Variants in RTN4 observed in about 807,000 individuals in gnomAD.
RTN4 encodes reticulon 4.
Under a neutral mutation model 90.4 loss-of-function variants are expected in RTN4, and 32 were observed. That is an observed-to-expected ratio of 0.35 (90% CI 0.27 to 0.48). RTN4 has a LOEUF of 0.48. RTN4 is among the 20% of genes least tolerant of loss of function. RTN4 has a pLI of 0.99. For missense variants in RTN4, 1,706 were observed against 1,430.2 expected (o/e 1.19, Z -3.11); for synonymous variants, 629 against 552.5 (o/e 1.14, Z -1.94).
intron 1 of RTN4, among the ~76,000 whole-genome samples, chr2:55,105,971 C>A (rs920133107): frequency 6.6e-6 from 1 of 152,034 alleles, no homozygotes; most frequent in Non-Finnish European, 1.5e-5. Flanking sequence ...CAGGAGGAGA[C>A]CCCCATCTCT....
At chr2:55,122,309 G>T in the RTN4 span, among the ~76,000 whole-genome samples, 1 of 152,078 alleles carries the variant, frequency 6.6e-6, no homozygotes, top group African/African-American at 2.4e-5. Context: ...ACATGTTCCT[G>T]ATTTTTACAG....
the RTN4 span, among the ~76,000 whole-genome samples, chr2:55,128,863 T>C: frequency 0.023 from 3,452 of 149,664 alleles, 68 homozygotes; most frequent in South Asian, 0.078. Context: ...TCCCAGCACT[T>C]TGGAAGGCCG....
intron 2 of RTN4, among the ~76,000 whole-genome samples, chr2:55,073,162 C>T (rs1216648255): frequency 6.6e-6 from 1 of 152,172 alleles, no homozygotes; most frequent in African/African-American, 2.4e-5. Context: ...TCTAACTAGC[C>T]ATGTGTCTCA....
intron 1 of RTN4, among the ~76,000 whole-genome samples, chr2:55,097,890 A>G (rs1667773573): frequency 6.6e-6 from 1 of 152,040 alleles, no homozygotes; most frequent in South Asian, 2.1e-4. Context: ...TTCCCCCAGG[A>G]AGCAGGTGGA....
chr2:55,137,415 A>G, the RTN4 span, among the ~76,000 whole-genome samples: 1 of 152,186 alleles, frequency 6.6e-6, no homozygotes, highest in Non-Finnish European at 1.5e-5. Flanking sequence ...CTTTAGGAGA[A>G]CATAGGAGTA....
the RTN4 span, among the ~76,000 whole-genome samples, chr2:55,123,726 TAACA>T: frequency 6.6e-6 from 1 of 152,002 alleles, no homozygotes. Context: ...GTTACTCGTG[TAACA>T]CTATTATGCC....
intron 3 of RTN4, among the ~76,000 whole-genome samples, chr2:54,996,983 T>C (rs1679478765): frequency 6.6e-6 from 1 of 152,100 alleles, no homozygotes; most frequent in Non-Finnish European, 1.5e-5. Context: ...CAATTGTTTC[T>C]TACATATAAC....
chr2:55,016,606 CAT>C (rs778464894), intron 3 of RTN4, among the ~76,000 whole-genome samples: 4 of 151,992 alleles, frequency 2.6e-5, no homozygotes, highest in Non-Finnish European at 5.9e-5. Context: ...AAACAAAACA[CAT>C]GTGCATTGAA....
At chr2:55,024,086 T>C (rs1419135134) in intron 3 of RTN4, among the ~76,000 whole-genome samples, 1 of 152,138 alleles carries the variant, frequency 6.6e-6, no homozygotes, top group Non-Finnish European at 1.5e-5. Flanking sequence ...AAAACCAAAT[T>C]TGTATCTTCC....
At chr2:54,979,048 A>G (rs576542613) in intron 5 of RTN4, among the ~76,000 whole-genome samples, 9 of 151,656 alleles carry the variant, frequency 5.9e-5, no homozygotes, top group Admixed American at 5.9e-4. Context: ...TTAAGATTTT[A>G]ATAATTTTTT....
At chr2:55,121,823 A>G in the RTN4 span, among the ~76,000 whole-genome samples, 1 of 152,264 alleles carries the variant, frequency 6.6e-6, no homozygotes, top group African/African-American at 2.4e-5. Flanking sequence ...TTATTCATTC[A>G]GGGTACCGAG....
chr2:55,070,171 T>C (rs192016366), intron 2 of RTN4, among the ~76,000 whole-genome samples: 10 of 152,020 alleles, frequency 6.6e-5, no homozygotes, highest in South Asian at 2.1e-4. Context: ...GGCTGTCTTG[T>C]GCATTCTAGG....
intron 3 of RTN4, among the ~76,000 whole-genome samples, chr2:55,013,503 C>T (rs535456447): frequency 6.6e-6 from 1 of 151,122 alleles, no homozygotes; most frequent in African/African-American, 2.4e-5. Context: ...TTCCTTCATG[C>T]ACTTACCTGT....
In RTN4 at chr2:55,003,994, G is replaced by A. The variant is rs528289523; in HGVS notation, c.3014-16296C>T. 1.3e-4 allele frequency among the ~76,000 whole-genome samples: 20 copies of A among 152,196 alleles called. 1 individual carries two copies. Among genetic ancestry groups the A allele is most frequent in the African/African-American group, 2.6e-4 (11 of 41,528 alleles). On this transcript the variant is annotated intron_variant, in intron 3 of 8. Coordinates refer to ENST00000337526, the MANE Select transcript of RTN4 (RefSeq NM_020532.5). ...TAAAAAGGGAACTTAGGGGACAACC[G>A]GAGAACAAATTTAAGAATTCTATTC...
the RTN4 span, among the ~76,000 whole-genome samples, chr2:55,134,894 G>A: frequency 6.6e-6 from 1 of 152,204 alleles, no homozygotes; most frequent in Non-Finnish European, 1.5e-5. Flanking sequence ...GATCTCTGCT[G>A]TCCAACATAG....
intron 3 of RTN4, among the ~76,000 whole-genome samples, chr2:55,009,926 C>A (rs1485796159): frequency 1.3e-5 from 2 of 152,172 alleles, no homozygotes; most frequent in African/African-American, 4.8e-5. Flanking sequence ...GGTATACAAC[C>A]AAATGTAAAA....
intron 1 of RTN4, among the ~76,000 whole-genome samples, chr2:55,087,929 T>C (rs1184090163): frequency 1.3e-5 from 2 of 152,260 alleles, no homozygotes; most frequent in African/African-American, 2.4e-5. Flanking sequence ...AAAAACTTTA[T>C]AAATACATAC....
At chr2:54,988,472 A>T (rs558391187) in intron 3 of RTN4, among the ~76,000 whole-genome samples, 7 of 152,320 alleles carry the variant, frequency 4.6e-5, no homozygotes, top group East Asian at 3.9e-4. Flanking sequence ...AAATAAATTT[A>T]AAAAGGCCGA....
At chr2:55,126,266 G>C in the RTN4 span, among the ~76,000 whole-genome samples, 2 of 152,042 alleles carry the variant, frequency 1.3e-5, no homozygotes, top group African/African-American at 4.8e-5. Context: ...CTACTGGAGA[G>C]GCTGAGGCAT....
Sources: gnomAD v4.1 joint callset for allele counts (sites outside exome capture counted in the v4.1 genomes callset) on GRCh38, gnomAD v4.1.1 for gene constraint, MANE v1.5 for transcripts, NCBI Gene and HGNC (gene_info 2026-07-23, HGNC 2026-07-21) for gene names.